Variants in CPED1 observed in about 807,000 individuals in gnomAD.
The protein encoded by CPED1 is cadherin-like and PC-esterase domain-containing protein 1.
CPED1 carries 114 observed loss-of-function variants against 128.2 expected under a neutral mutation model. The ratio of observed to expected loss-of-function variants is 0.89; its 90% confidence interval spans 0.76 to 1.04. CPED1 has a LOEUF of 1.04. Ranked by LOEUF, CPED1 falls within the 50% of genes least tolerant of loss-of-function variation. The pLI, the probability that CPED1 is intolerant of heterozygous loss-of-function variation, is 0.00. For synonymous variants in CPED1, 462 were observed against 426.7 expected (o/e 1.08, Z -1.02); for missense variants, 1,211 against 1,207.1 (o/e 1.00, Z -0.05).
At chr7:121,004,724 T>G (rs932430811) in intron 2 of CPED1, among the ~76,000 whole-genome samples, 2 of 151,710 alleles carry the variant, frequency 1.3e-5, no homozygotes, top group Non-Finnish European at 2.9e-5. Flanking sequence ...GGGGAACCCT[T>G]GGAAGACCCT....
chr7:121,148,636 G>A (rs1033705365), intron 16 of CPED1, among the ~76,000 whole-genome samples: 1 of 152,122 alleles, frequency 6.6e-6, no homozygotes, highest in African/African-American at 2.4e-5. Context: ...CAGACAGGAA[G>A]AACTTGTTGG....
intron 2 of CPED1, among the ~76,000 whole-genome samples, chr7:121,014,936 A>G (rs746967516): frequency 1.7e-4 from 26 of 152,206 alleles, no homozygotes; most frequent in Non-Finnish European, 3.4e-4. Context: ...TAAGCCTTAT[A>G]ATGAATTTAA....
chr7:121,132,349 G>A (rs561174645), intron 12 of CPED1, among the ~76,000 whole-genome samples: 1 of 152,102 alleles, frequency 6.6e-6, no homozygotes, highest in African/African-American at 2.4e-5. Flanking sequence ...CGCAGACAGG[G>A]AGGCCATCAT....
At chr7:121,051,064 G>T in intron 4 of CPED1, 1 of 531,304 alleles carries the variant, frequency 1.9e-6, no homozygotes, top group South Asian at 1.5e-5. Flanking sequence ...GCAAACAAAA[G>T]GGAAAAGGAG....
At chr7:121,098,278 A>G (rs985203630) in intron 6 of CPED1, among the ~76,000 whole-genome samples, 1 of 152,114 alleles carries the variant, frequency 6.6e-6, no homozygotes, top group Admixed American at 6.5e-5. Context: ...GGATTTTATA[A>G]TGTAGATAAA....
At chr7:121,223,744 G>A (rs762827218) in intron 16 of CPED1, among the ~76,000 whole-genome samples, 5 of 151,914 alleles carry the variant, frequency 3.3e-5, no homozygotes, top group East Asian at 1.9e-4. Context: ...GTTTATTTTC[G>A]TAGAGGTATT....
intron 7 of CPED1, among the ~76,000 whole-genome samples, chr7:121,110,305 C>G (rs1318407841): frequency 2.0e-5 from 3 of 152,056 alleles, no homozygotes; most frequent in African/African-American, 7.2e-5. Flanking sequence ...AAAGTTTATT[C>G]TTGTATGGAA....
At chr7:121,236,157 A>G (rs1255829130) in intron 16 of CPED1, among the ~76,000 whole-genome samples, 1 of 152,170 alleles carries the variant, frequency 6.6e-6, no homozygotes, top group African/African-American at 2.4e-5. Context: ...TCTGTTCTAC[A>G]TCTGTCAGAC....
At chr7:121,099,839 G>A (rs553687081) in intron 6 of CPED1, 87 bp from the exon 7 acceptor site, 5 of 1,374,150 alleles carry the variant, frequency 3.6e-6, no homozygotes, top group Admixed American at 4.1e-5. Flanking sequence ...AAGGATAGAA[G>A]CAGTTTACAA....
rs1240167966 is a variant in CPED1, at chr7:121,244,100, T to TA, written c.2174-101dup. The TA allele has an allele frequency of 7.5e-6, 10 of 1,340,242 alleles. No individual in the cohort carries two copies. The African/African-American group carries it at 1.3e-4, about 17-fold the overall frequency. 83.0% of individuals were successfully genotyped at this position (1,340,242 alleles called of 1,614,324 possible). ...TAGATTTAAAGGATAAGGATGGTCT[T>TA]ACTATAATTTCTGAAATGGTGTGCC... On this transcript the variant is annotated intron_variant, in intron 17 of 22. Transcript: ENST00000310396.
intron 14 of CPED1, among the ~76,000 whole-genome samples, chr7:121,137,275 A>T (rs954324659): frequency 6.6e-6 from 1 of 152,030 alleles, no homozygotes; most frequent in African/African-American, 2.4e-5. Context: ...GGGCACAAGC[A>T]ATCCTCCTCC....
chr7:121,150,390 TTTTA>T (rs1348223761), intron 16 of CPED1, among the ~76,000 whole-genome samples: 1 of 152,204 alleles, frequency 6.6e-6, no homozygotes, highest in South Asian at 2.1e-4. Context: ...TTCATTCTTT[TTTTA>T]TGGCTGTGTA....
chr7:121,087,068 A>C (rs1445189849), intron 5 of CPED1, among the ~76,000 whole-genome samples: 1 of 152,220 alleles, frequency 6.6e-6, no homozygotes, highest in Non-Finnish European at 1.5e-5. Flanking sequence ...TTAAGTAAAT[A>C]AATAAACAAA....
chr7:121,036,872 G>A (rs910183371), intron 3 of CPED1, among the ~76,000 whole-genome samples: 1 of 151,958 alleles, frequency 6.6e-6, no homozygotes, highest in Non-Finnish European at 1.5e-5. Context: ...GTTTTGATTT[G>A]CATTTTCCTG....
At chr7:121,290,800 A>C (rs1792683224) in intron 22 of CPED1, among the ~76,000 whole-genome samples, 1 of 152,112 alleles carries the variant, frequency 6.6e-6, no homozygotes, top group Non-Finnish European at 1.5e-5. Context: ...GAAGCTCTTT[A>C]GTTTAATTAG....
intron 14 of CPED1, among the ~76,000 whole-genome samples, chr7:121,140,227 G>T (rs1795869859): frequency 6.6e-6 from 1 of 151,966 alleles, no homozygotes; most frequent in South Asian, 2.1e-4. Flanking sequence ...GCAGAGGATA[G>T]TATGTCCTTC....
At chr7:121,213,786 A>G (rs1797698895) in intron 16 of CPED1, among the ~76,000 whole-genome samples, 1 of 152,088 alleles carries the variant, frequency 6.6e-6, no homozygotes, top group African/African-American at 2.4e-5. Flanking sequence ...AAACTTTTCA[A>G]ATAATCTTCC....
chr7:121,240,789 G>T (rs1424076359), intron 17 of CPED1, among the ~76,000 whole-genome samples: 1 of 29,106 alleles, frequency 3.4e-5, no homozygotes, highest in Non-Finnish European at 7.6e-5. Flanking sequence ...AAGTGACGGG[G>T]AAGGGAGGGA....
chr7:121,284,081 C>T lies in CPED1; in HGVS notation c.2869-11359C>T, dbSNP rs146315972. ...GGTTTAATTGACACACAGTTCAGCACGGCTGGGGAGGACTCAAGAAACTTA... is the reference window on the plus strand; with the variant it reads ...GGTTTAATTGACACACAGTTCAGCATGGCTGGGGAGGACTCAAGAAACTTA... On this transcript the variant is annotated intron_variant, in intron 22 of 22. Coordinates refer to ENST00000310396, the MANE Select transcript of CPED1 (RefSeq NM_024913.5). Among the ~76,000 whole-genome samples, 71 of 152,226 alleles carry T rather than the reference C, an allele frequency of 4.7e-4. 1 individual carries two copies. The highest frequency in any genetic ancestry group is 3.4e-3 in the Middle Eastern group (1 of 294).
Sources: allele counts gnomAD v4.1 joint callset (sites outside exome capture counted in the v4.1 genomes callset), GRCh38; gene constraint gnomAD v4.1.1; transcripts MANE v1.5; gene names NCBI Gene and HGNC (gene_info 2026-07-23, HGNC 2026-07-21).